Variants in HSPA12A observed in about 807,000 individuals in gnomAD.
The protein encoded by HSPA12A is heat shock protein family A (Hsp70) member 12A.
A neutral mutation model predicts 69.2 loss-of-function variants in HSPA12A; 28 were observed. The observed-to-expected ratio is 0.40, with a 90% CI of 0.30 to 0.55. The LOEUF is 0.55. Ranked by LOEUF, HSPA12A falls within the 20% of genes least tolerant of loss-of-function variation. The pLI is 0.38. For missense variants in HSPA12A, 686 were observed against 900.7 expected, an observed-to-expected ratio of 0.76 and a Z score of 3.05; for synonymous variants, 345 against 370.5, an observed-to-expected ratio of 0.93 and a Z score of 0.79.
chr10:116,675,523 A>G lies in HSPA12A; in HGVS notation c.1391-105T>C. 8.3e-7 allele frequency: 1 copy of G among 1,208,060 alleles called. No homozygotes were observed. Among genetic ancestry groups the G allele is most frequent in the Non-Finnish European group, 1.1e-6 (1 of 879,676 alleles). 74.8% of individuals were successfully genotyped at this position (1,208,060 alleles called of 1,614,324 possible). A position where few individuals can be genotyped will look rare whatever the true frequency, so the allele number is the denominator to read the frequency against. On this transcript the variant is annotated intron_variant, in intron 11 of 11. Coordinates refer to ENST00000369209, the MANE Select transcript of HSPA12A (RefSeq NM_025015.3). This position sits in a 1 kb window ranked among gnomAD's most constrained non-coding sequence, Gnocchi z 5.2. ...GGGAACGGATAAAGCCACTTGGGCC[A>G]CTGGGAGGGCAGGCTTACTCTGAGC...
chr10:116,685,717 G>C, intron 6 of HSPA12A, among the ~76,000 whole-genome samples: 1 of 152,098 alleles, frequency 6.6e-6, no homozygotes, highest in Middle Eastern at 3.4e-3. Flanking sequence ...AGAGAGGGAG[G>C]GTGGCCCACT....
At chr10:116,802,192 T>C (rs1404350016) in intron 2 of HSPA12A, among the ~76,000 whole-genome samples, 1 of 152,080 alleles carries the variant, frequency 6.6e-6, no homozygotes, top group Non-Finnish European at 1.5e-5. Context: ...TATGGCATGG[T>C]TGTCATTGAA....
intron 2 of HSPA12A, among the ~76,000 whole-genome samples, chr10:116,793,927 G>A (rs979668943): frequency 3.9e-5 from 6 of 151,954 alleles, no homozygotes; most frequent in Non-Finnish European, 8.8e-5. Flanking sequence ...GGCCGGGCAC[G>A]GTGGCTCACG....
intron 1 of HSPA12A, among the ~76,000 whole-genome samples, chr10:116,716,083 C>A (rs555877580): frequency 6.6e-6 from 1 of 151,944 alleles, no homozygotes; most frequent in Non-Finnish European, 1.5e-5. Flanking sequence ...GGTACAGGGC[C>A]CTCTGGTCAT....
intron 2 of HSPA12A, among the ~76,000 whole-genome samples, chr10:116,774,863 G>A (rs1055879745): frequency 3.9e-5 from 6 of 152,104 alleles, no homozygotes; most frequent in East Asian, 1.9e-4. Flanking sequence ...CAGTCCTGCC[G>A]GCTCCTGCAC....
intron 1 of HSPA12A, among the ~76,000 whole-genome samples, chr10:116,736,330 C>T (rs924479461): frequency 6.6e-6 from 1 of 152,146 alleles, no homozygotes; most frequent in Non-Finnish European, 1.5e-5. Flanking sequence ...TAATGTACAA[C>T]ACGGAGGAGG....
chr10:116,717,933 T>C (rs1554883967), intron 1 of HSPA12A, among the ~76,000 whole-genome samples: 1 of 152,124 alleles, frequency 6.6e-6, no homozygotes, highest in Admixed American at 6.5e-5. Flanking sequence ...TGGCCCCAGT[T>C]TGCCCCCCAA....
At chr10:116,795,901 C>T (rs1290600460) in intron 2 of HSPA12A, among the ~76,000 whole-genome samples, 1 of 151,060 alleles carries the variant, frequency 6.6e-6, no homozygotes, top group Non-Finnish European at 1.5e-5. Context: ...AATCCTAGCA[C>T]TTTGGGAGGC....
intron 2 of HSPA12A, among the ~76,000 whole-genome samples, chr10:116,706,204 T>A (rs1850244363): frequency 6.6e-6 from 1 of 151,808 alleles, no homozygotes; most frequent in Non-Finnish European, 1.5e-5. Context: ...CTCTTTTTTT[T>A]TTTTTAAGCA....
At chr10:116,678,603 A>AG (rs1491364474) in intron 10 of HSPA12A, among the ~76,000 whole-genome samples, 3 of 150,502 alleles carry the variant, frequency 2.0e-5, no homozygotes, top group Non-Finnish European at 4.4e-5. Flanking sequence ...AAAAAAAAAA[A>AG]GACAAATGGA....
At chr10:116,815,588 A>C (rs1845288609) in intron 2 of HSPA12A, among the ~76,000 whole-genome samples, 1 of 152,184 alleles carries the variant, frequency 6.6e-6, no homozygotes, top group Admixed American at 6.5e-5. Context: ...AAAATAAATA[A>C]GTAAAATAAA....
intron 2 of HSPA12A, among the ~76,000 whole-genome samples, chr10:116,824,529 T>C (rs1465144264): frequency 6.6e-6 from 1 of 152,216 alleles, no homozygotes; most frequent in Non-Finnish European, 1.5e-5. Flanking sequence ...AAACAAACCA[T>C]GTTCTATCCA....
intron 4 of HSPA12A, among the ~76,000 whole-genome samples, chr10:116,700,398 G>C (rs1260254609): frequency 3.3e-5 from 5 of 152,184 alleles, no homozygotes; most frequent in African/African-American, 1.2e-4. Flanking sequence ...GGGAGCTGAG[G>C]ACACCACTCA....
At chr10:116,847,159 G>A (rs1845902541) in intron 1 of HSPA12A, among the ~76,000 whole-genome samples, 2 of 152,114 alleles carry the variant, frequency 1.3e-5, no homozygotes, top group South Asian at 4.1e-4. Context: ...AAAACCAGAT[G>A]ACGCACTGAT....
At chr10:116,683,708 C>G (rs782225880) in intron 7 of HSPA12A, 83 bp downstream of exon 7, 4 of 1,325,256 alleles carry the variant, frequency 3.0e-6, no homozygotes, top group Non-Finnish European at 4.0e-6. Context: ...GCACTAAGTG[C>G]CTTTAAAATC....
intron 6 of HSPA12A, among the ~76,000 whole-genome samples, chr10:116,689,064 C>A (rs915329849): frequency 6.6e-6 from 1 of 152,080 alleles, no homozygotes; most frequent in Admixed American, 6.5e-5. Flanking sequence ...GGAGTTTCAC[C>A]GATGAAACTG....
At chr10:116,737,601 G>A (rs1851353553) in intron 1 of HSPA12A, among the ~76,000 whole-genome samples, 1 of 152,152 alleles carries the variant, frequency 6.6e-6, no homozygotes, top group South Asian at 2.1e-4. Context: ...TAGGAAAAGA[G>A]GCATAAACTA....
chr10:116,806,941 G>A (rs1040019543), intron 2 of HSPA12A, among the ~76,000 whole-genome samples: 9 of 152,356 alleles, frequency 5.9e-5, no homozygotes, highest in African/African-American at 1.9e-4. Context: ...AAATCCAGTG[G>A]CAAGCGTCTT....
chr10:116,695,586 G>A (rs12259865), intron 5 of HSPA12A, among the ~76,000 whole-genome samples: 78,800 of 150,912 alleles, frequency 0.52, 20,866 homozygotes, highest in Middle Eastern at 0.63. Flanking sequence ...GGAGGCCGAG[G>A]CGGGCGGATC....
Sources: allele counts gnomAD v4.1 joint callset (sites outside exome capture counted in the v4.1 genomes callset), GRCh38; gene constraint gnomAD v4.1.1; non-coding constraint Gnocchi (gnomAD v3.1); transcripts MANE v1.5; gene names NCBI Gene and HGNC (gene_info 2026-07-23, HGNC 2026-07-21).